The following C19orf12 variants were observed in gnomAD, a reference collection of about 807,000 sequenced individuals.
The protein encoded by C19orf12 is chromosome 19 open reading frame 12.
Under a neutral mutation model 3.8 loss-of-function variants are expected in C19orf12, and 2 were observed. That is an observed-to-expected ratio of 0.53 (90% confidence interval 0.22 to 1.66). The LOEUF is 1.66. Among genes scored for constraint, C19orf12 ranks in the 40% most tolerant of loss-of-function variants. The pLI, the probability that C19orf12 is intolerant of heterozygous loss-of-function variation, is 0.20. For missense variants in C19orf12, 156 were observed against 188.8 expected (o/e 0.83, Z 1.02); for synonymous variants, 89 against 84.6 (o/e 1.05, Z -0.28).
upstream of C19orf12, chr19:29,715,430 G>C: frequency 2.4e-6 from 1 of 409,226 alleles, no homozygotes; most frequent in Non-Finnish European, 4.9e-6. Context: ...CGGGGCCCTG[G>C]CTTGGGTTGC....
chr19:29,711,360 G>A (rs1005981996), intron 1 of C19orf12, among the ~76,000 whole-genome samples: 39 of 152,112 alleles, frequency 2.6e-4, no homozygotes, highest in African/African-American at 7.7e-4. Flanking sequence ...TATATTTGAA[G>A]TACATATTAA....
At chr19:29,714,901 GCTTA>G (rs1476985688) in intron 1 of C19orf12, 6 of 708,274 alleles carry the variant, frequency 8.5e-6, no homozygotes, top group African/African-American at 7.3e-5. Context: ...CAGCTCTGCT[GCTTA>G]CTTGTGTGAC....
chr19:29,705,685 T>A (rs1191845114), intron 2 of C19orf12, among the ~76,000 whole-genome samples: 1 of 151,878 alleles, frequency 6.6e-6, no homozygotes, highest in Non-Finnish European at 1.5e-5. Context: ...TAATTTTTTT[T>A]TTATTATTTT....
chr19:29,710,999 A>C (rs930314103), intron 1 of C19orf12, among the ~76,000 whole-genome samples: 51 of 151,192 alleles, frequency 3.4e-4, no homozygotes, highest in African/African-American at 1.2e-3. Flanking sequence ...CACACAAACA[A>C]AATGACATAG....
At chr19:29,706,330 G>A (rs541277612) in intron 2 of C19orf12, among the ~76,000 whole-genome samples, 4 of 152,282 alleles carry the variant, frequency 2.6e-5, no homozygotes, top group South Asian at 4.1e-4. Flanking sequence ...GCAAAAAGTC[G>A]CCAGGAATAT....
At position 29,702,276 on chromosome 19, in the gene C19orf12, G is replaced by A. The variant is rs1165202242; in HGVS notation, c.*436C>T. ...GCCCTGAGACCCCAGGACCTGCAGG[G>A]GGGTGGGATCCAGTCCTGCAGCAGG... On this transcript the variant is annotated 3_prime_UTR_variant, in exon 3 of 3. Coordinates refer to ENST00000323670, the MANE Select transcript of C19orf12 (RefSeq NM_031448.6). 6.6e-6 allele frequency: 3 copies of A among 457,550 alleles called. No homozygotes were observed. Among genetic ancestry groups the A allele is most frequent in the South Asian group, 1.6e-5 (1 of 64,500 alleles). 28.3% of individuals were successfully genotyped at this position (457,550 alleles called of 1,614,324 possible).
chr19:29,715,127 G>C lies in C19orf12; in HGVS notation c.-13C>G, dbSNP rs1391704278. On this transcript the variant is annotated splice_region_variant and 5_prime_UTR_variant, in exon 1 of 3. Transcript: ENST00000323670. ...CCCGGCTCCGGGCGCTCCTTTACCT[G>C]GGGGAGCGGAGGTCTACGCGGCGCG... 3.3e-6 allele frequency: 2 copies of C among 600,640 alleles called. No individual in the cohort carries two copies. Among genetic ancestry groups the C allele is most frequent in the East Asian group, 3.3e-5 (1 of 30,026 alleles). The allele number at this position is 600,640 out of a possible 1,614,324, so 37.2% of individuals were successfully genotyped here. A position where few individuals can be genotyped will look rare whatever the true frequency, so the allele number is the denominator to read the frequency against.
chr19:29,708,215 C>T, intron 2 of C19orf12, 39 bp downstream of exon 2: 1 of 1,604,760 alleles, frequency 6.2e-7, no homozygotes, highest in African/African-American at 1.3e-5. Flanking sequence ...TTTATGACAT[C>T]CCCGAGGCTG....
rs1206491359 is a variant in C19orf12 at position 29,700,386 on chromosome 19, A to T, written c.*2326T>A. 2.2e-6 allele frequency: 1 copy of T among 454,168 alleles called. No homozygotes were observed. Among genetic ancestry groups the T allele is most frequent in the Admixed American group, 2.3e-5 (1 of 42,578 alleles). The allele number at this position is 454,168 out of a possible 1,614,324, so 28.1% of individuals were successfully genotyped here. On this transcript the variant is annotated 3_prime_UTR_variant, in exon 3 of 3. Coordinates refer to ENST00000323670, the MANE Select transcript of C19orf12 (RefSeq NM_031448.6). ...TCTTTGTTGAGGTTTCATTCTCACG[A>T]TATCTGCAAATCAACGTTTTTTCCT...
chr19:29,706,754 C>A (rs1972400073), intron 2 of C19orf12, among the ~76,000 whole-genome samples: 1 of 152,214 alleles, frequency 6.6e-6, no homozygotes, highest in Admixed American at 6.5e-5. Flanking sequence ...ATTTATTTTT[C>A]TCCTCAGTGT....
chr19:29,708,125 C>T (rs1488359856), intron 2 of C19orf12, 129 bp downstream of exon 2: 59 of 1,322,996 alleles, frequency 4.5e-5, no homozygotes, highest in East Asian at 9.4e-5. Context: ...GTGATCCGCC[C>T]GCCTCGGCCT....
chr19:29,701,675 T>C lies in C19orf12; in HGVS notation c.*1037A>G, dbSNP rs886054318. 1.1e-5 allele frequency: 5 copies of C among 453,418 alleles called. No individual in the cohort carries two copies. The East Asian group carries it at 2.8e-4, about 25-fold the overall frequency. The allele number at this position is 453,418 out of a possible 1,614,324, so 28.1% of individuals were successfully genotyped here. ...AATACAGGCATACCTCATTCTACTA[T>C]GCTTTGTGAATACTGTGTTTTTTTT... On this transcript the variant is annotated 3_prime_UTR_variant, in exon 3 of 3. Coordinates refer to ENST00000323670, the MANE Select transcript of C19orf12 (RefSeq NM_031448.6).
At chr19:29,713,881 C>T (rs1237703240) in intron 1 of C19orf12, among the ~76,000 whole-genome samples, 1 of 152,164 alleles carries the variant, frequency 6.6e-6, no homozygotes, top group Non-Finnish European at 1.5e-5. Flanking sequence ...CAGCATGCAC[C>T]TTACCTATCT....
rs965392937 is a variant in C19orf12, at chr19:29,701,834, T to G, written c.*878A>C. The stretch of plus-strand genomic sequence containing the variant: ...TATTTTTAAATTAAGGTTTGTACAT[T>G]TGTTAGACATAATGCTATTGCACAT... On this transcript the variant is annotated 3_prime_UTR_variant, in exon 3 of 3. Transcript: ENST00000323670. 3 of 453,762 alleles carry G rather than the reference T, an allele frequency of 6.6e-6. No homozygotes were observed. Among genetic ancestry groups the G allele is most frequent in the African/African-American group, 6.0e-5 (3 of 50,004 alleles). The allele number at this position is 453,762 out of a possible 1,614,324, so 28.1% of individuals were successfully genotyped here.
In C19orf12 at chr19:29,700,047, A is replaced by C. The variant is rs1331070188; in HGVS notation, c.*2665T>G. 4.4e-6 allele frequency: 2 copies of C among 453,982 alleles called. No individual in the cohort carries two copies. The highest frequency in any genetic ancestry group is 8.8e-6 in the Non-Finnish European group (2 of 226,762). 28.1% of individuals were successfully genotyped at this position (453,982 alleles called of 1,614,324 possible). The stretch of plus-strand genomic sequence containing the variant: ...GTCTTCACTCAGCAAGGCCTGCTCC[A>C]TCGGACACAAAACTGATCAGGAGTT... On this transcript the variant is annotated 3_prime_UTR_variant, in exon 3 of 3. Transcript: ENST00000323670.
intron 1 of C19orf12, 170 bp from the exon 2 acceptor site, chr19:29,708,593 G>C: frequency 1.3e-6 from 1 of 772,826 alleles, no homozygotes; most frequent in Non-Finnish European, 2.2e-6. Flanking sequence ...AGTTCCCACA[G>C]ACAGGACAGG....
In C19orf12 at chr19:29,702,086, C is replaced by A. The variant is rs770566321; in HGVS notation, c.*626G>T. On this transcript the variant is annotated 3_prime_UTR_variant, in exon 3 of 3. Coordinates refer to ENST00000323670, the MANE Select transcript of C19orf12 (RefSeq NM_031448.6). ...TGGGAAGAGCGAGGCCCTGGCAGGG[C>A]GAGTCTAGGTGTGCAGCCTAGTGGG... 5 of 448,420 alleles carry A rather than the reference C, an allele frequency of 1.1e-5. No homozygotes were observed. Among genetic ancestry groups the A allele is most frequent in the Admixed American group, 7.1e-5 (3 of 42,296 alleles). 27.8% of individuals were successfully genotyped at this position (448,420 alleles called of 1,614,324 possible). A position where few individuals can be genotyped will look rare whatever the true frequency, so the allele number is the denominator to read the frequency against.
chr19:29,711,801 G>A (rs1469087211), intron 1 of C19orf12, among the ~76,000 whole-genome samples: 1 of 152,126 alleles, frequency 6.6e-6, no homozygotes, highest in Non-Finnish European at 1.5e-5. Context: ...CTTCCGACCT[G>A]CTCCGAATGA....
intron 1 of C19orf12, among the ~76,000 whole-genome samples, chr19:29,709,921 G>A (rs2145645115): frequency 6.6e-6 from 1 of 152,152 alleles, no homozygotes; most frequent in East Asian, 1.9e-4. Context: ...GCCCAAGCTG[G>A]TGTGCAGTGG....
Sources: gnomAD v4.1 joint callset for allele counts (sites outside exome capture counted in the v4.1 genomes callset) on GRCh38, gnomAD v4.1.1 for gene constraint, MANE v1.5 for transcripts, NCBI Gene and HGNC (gene_info 2026-07-23, HGNC 2026-07-21) for gene names.